CLYBL: variants seen among roughly 807,000 people sequenced by gnomAD.
CLYBL encodes the protein citramalyl-CoA lyase, mitochondrial.
Under a neutral mutation model 38.9 loss-of-function variants are expected in CLYBL, and 31 were observed. The observed-to-expected ratio is 0.80, with a 90% CI of 0.60 to 1.08. The LOEUF is 1.08. Among genes scored for constraint, CLYBL ranks in the 50% least tolerant of loss-of-function variants. The pLI is 0.00. For missense variants in CLYBL, 434 were observed against 411.6 expected, an observed-to-expected ratio of 1.05 and a Z score of -0.47; for synonymous variants, 171 against 158.6, an observed-to-expected ratio of 1.08 and a Z score of -0.59.
chr13:99,667,497 C>G (rs928093588), intron 1 of CLYBL, among the ~76,000 whole-genome samples: 1 of 145,866 alleles, frequency 6.9e-6, no homozygotes, highest in Non-Finnish European at 1.5e-5. Flanking sequence ...AGACCACTTG[C>G]ATCTAACTCT....
At chr13:99,860,144 A>C (rs2051564955) in intron 3 of CLYBL, among the ~76,000 whole-genome samples, 1 of 152,154 alleles carries the variant, frequency 6.6e-6, no homozygotes, top group African/African-American at 2.4e-5. Context: ...GGAAGTGCAA[A>C]ATACACACTC....
At chr13:99,676,186 G>GTCCTTCCTTCCTTCCT (rs35403713) in intron 1 of CLYBL, among the ~76,000 whole-genome samples, 4,238 of 132,958 alleles carry the variant, frequency 0.032, 118 homozygotes, top group Non-Finnish European at 0.032. Context: ...CCCTCCGTCC[G>GTCCTTCCTTCCTTCCT]TCCTTCCTTC....
At chr13:99,783,031 G>GT (rs899231318) in intron 2 of CLYBL, among the ~76,000 whole-genome samples, 60 of 150,948 alleles carry the variant, frequency 4.0e-4, no homozygotes, top group African/African-American at 1.4e-3. Context: ...GAGGTTTTTT[G>GT]TTTTTTGGTT....
intron 1 of CLYBL, among the ~76,000 whole-genome samples, chr13:99,745,707 C>T (rs1020962973): frequency 3.3e-5 from 5 of 152,088 alleles, no homozygotes; most frequent in African/African-American, 4.8e-5. Flanking sequence ...ACAATCAAAG[C>T]CACATACACG....
At chr13:99,670,558 GCCCTTC>G in intron 1 of CLYBL, among the ~76,000 whole-genome samples, 1 of 152,162 alleles carries the variant, frequency 6.6e-6, no homozygotes, top group Non-Finnish European at 1.5e-5. Flanking sequence ...TCTCTGCTCT[GCCCTTC>G]TTTCAACTAT....
intron 1 of CLYBL, among the ~76,000 whole-genome samples, chr13:99,659,416 C>G (rs971042542): frequency 6.6e-6 from 1 of 152,144 alleles, no homozygotes; most frequent in Non-Finnish European, 1.5e-5. Context: ...AATTGCGACC[C>G]TTCAAACCAC....
intron 1 of CLYBL, among the ~76,000 whole-genome samples, chr13:99,627,739 C>CTT (rs910169796): frequency 1.7e-4 from 26 of 152,292 alleles, no homozygotes; most frequent in African/African-American, 6.3e-4. Flanking sequence ...TAGTCAACCA[C>CTT]TTTTGAAAAT....
At chr13:99,904,045 T>TAAAAAAAAAAAAAAAAAAAAAAAAAAAA (rs57462379) in intron 8 of CLYBL, among the ~76,000 whole-genome samples, 1 of 143,714 alleles carries the variant, frequency 7.0e-6, no homozygotes, top group African/African-American at 2.6e-5. Flanking sequence ...ACCCCTCTCT[T>TAAAAAAAAAAAAAAAAAAAAAAAAAAAA]AAAAAAAAAA....
intron 2 of CLYBL, among the ~76,000 whole-genome samples, chr13:99,789,833 A>T (rs920650460): frequency 1.3e-5 from 2 of 152,188 alleles, no homozygotes; most frequent in South Asian, 2.1e-4. Context: ...ATGGGAGTCT[A>T]AGTCTCTTTG....
At chr13:99,613,122 GATA>G (rs1424596033) in intron 1 of CLYBL, among the ~76,000 whole-genome samples, 7 of 151,888 alleles carry the variant, frequency 4.6e-5, no homozygotes, top group Admixed American at 6.6e-5. Context: ...CAAGATTTCT[GATA>G]CCTGTAATCT....
chr13:99,724,341 CTGTT>C (rs1027497069), intron 1 of CLYBL, among the ~76,000 whole-genome samples: 11 of 152,282 alleles, frequency 7.2e-5, no homozygotes, highest in African/African-American at 1.4e-4. Context: ...CGTTATGAAT[CTGTT>C]TGTTTCTGAT....
intron 7 of CLYBL, among the ~76,000 whole-genome samples, chr13:99,880,066 A>ATTTTTTT (rs1283526295): frequency 1.6e-5 from 1 of 60,768 alleles, no homozygotes; most frequent in African/African-American, 5.4e-5. Context: ...ATATATATAT[A>ATTTTTTT]TATTTTTTTT....
At chr13:99,799,377 T>TCACACACACACACACACACACA (rs142411916) in intron 2 of CLYBL, among the ~76,000 whole-genome samples, 24 of 150,292 alleles carry the variant, frequency 1.6e-4, no homozygotes, top group African/African-American at 4.7e-4. Flanking sequence ...ATACACACAT[T>TCACACACACACACACACACACA]CACACACACA....
chr13:99,788,069 A>C (rs2049836289), intron 2 of CLYBL, among the ~76,000 whole-genome samples: 2 of 152,212 alleles, frequency 1.3e-5, no homozygotes, highest in Non-Finnish European at 2.9e-5. Flanking sequence ...GACTTTGCTG[A>C]AGTTGCTTAT....
At chr13:99,870,680 A>G (rs1296670299) in intron 6 of CLYBL, among the ~76,000 whole-genome samples, 3 of 152,246 alleles carry the variant, frequency 2.0e-5, no homozygotes, top group East Asian at 3.8e-4. Flanking sequence ...ATAAGAGATT[A>G]TCTGCCCTAA....
rs775427626 is a variant in CLYBL at position 99,749,692 on chromosome 13, G to A, written c.63-23132G>A. Among the ~76,000 whole-genome samples, 11 of 152,218 alleles carry A rather than the reference G, an allele frequency of 7.2e-5. 1 individual carries two copies. The highest frequency in any genetic ancestry group is 3.9e-4 in the East Asian group (2 of 5,190). On this transcript the variant is annotated intron_variant, in intron 1 of 8. Transcript: ENST00000339105. ...GAGTTTGCTCTGAAAATGTCTTCTC[G>A]GCCTTCCTGAAGCAGGCTGCACGCT...
intron 8 of CLYBL, among the ~76,000 whole-genome samples, chr13:99,903,166 G>A (rs943694268): frequency 2.0e-5 from 3 of 152,172 alleles, no homozygotes; most frequent in African/African-American, 7.2e-5. Context: ...CTCCAAAGTT[G>A]AACTACATTT....
rs1002098938 is a variant in CLYBL, at chr13:99,708,319, T to G, written c.63-64505T>G. On this transcript the variant is annotated intron_variant, in intron 1 of 8. Coordinates refer to ENST00000339105, the MANE Select transcript of CLYBL (RefSeq NM_206808.5). ...TTTGTACAGTGGTCCCACCTTACTG[T>G]GTAGAAATTCTCAGTCATCCACCTA... 2.0e-5 allele frequency among the ~76,000 whole-genome samples: 3 copies of G among 152,204 alleles called. No homozygotes were observed. The East Asian group carries it at 5.8e-4, about 29-fold the overall frequency.
At chr13:99,686,512 C>CAGAGAGAGAGAG (rs34750084) in intron 1 of CLYBL, among the ~76,000 whole-genome samples, 217 of 150,214 alleles carry the variant, frequency 1.4e-3, no homozygotes, top group African/African-American at 4.9e-3. Context: ...TTTGTTTCAA[C>CAGAGAGAGAGAG]AGAGAGAGAG....
Sources: allele counts gnomAD v4.1 joint callset (sites outside exome capture counted in the v4.1 genomes callset), GRCh38; gene constraint gnomAD v4.1.1; transcripts MANE v1.5; gene names NCBI Gene and HGNC (gene_info 2026-07-23, HGNC 2026-07-21).